Variants in TNS3 observed in about 807,000 individuals in gnomAD.
TNS3 encodes tensin 3.
A neutral mutation model predicts 140.9 loss-of-function variants in TNS3; 45 were observed. The ratio of observed to expected loss-of-function variants is 0.32; its 90% CI spans 0.25 to 0.41. The LOEUF (loss-of-function observed/expected upper bound fraction) is 0.41, where lower values mean the gene tolerates loss of function less well. Ranked by LOEUF, TNS3 falls within the 10% of genes least tolerant of loss-of-function variation. TNS3 has a pLI of 1.00. For missense variants in TNS3, 1,716 were observed against 1,906.7 expected, an observed-to-expected ratio of 0.90 and a Z score of 1.86; for synonymous variants, 815 against 788.4, an observed-to-expected ratio of 1.03 and a Z score of -0.56.
chr7:47,562,075 C>T (rs1800327997), intron 1 of TNS3, among the ~76,000 whole-genome samples: 5 of 152,360 alleles, frequency 3.3e-5, no homozygotes, highest in Middle Eastern at 3.4e-3. Context: ...GTAATTGAAG[C>T]ACAGTTGCAA....
At chr7:47,416,446 T>C (rs1794086048) in intron 10 of TNS3, among the ~76,000 whole-genome samples, 1 of 152,244 alleles carries the variant, frequency 6.6e-6, no homozygotes, top group Non-Finnish European at 1.5e-5. Flanking sequence ...GCCCTACTTA[T>C]AGTCCACCCA....
rs114028947 is a variant in TNS3, at chr7:47,438,437, G to C, written c.150+1050C>G. Among the ~76,000 whole-genome samples the C allele has an allele frequency of 7.0e-3, 1,064 of 152,296 alleles. 9 individuals carry two copies. The highest frequency in any genetic ancestry group is 0.025 in the African/African-American group (1,019 of 41,550). On this transcript the variant is annotated intron_variant, in intron 6 of 30. Coordinates refer to ENST00000311160, the MANE Select transcript of TNS3 (RefSeq NM_022748.12). Reference sequence around the variant, plus strand: ...GCCTGGGAGTGGCTTCCAAAGGAAGGAGCCATGGTCCTGCAGAGCACACCG... The same window carrying C: ...GCCTGGGAGTGGCTTCCAAAGGAAGCAGCCATGGTCCTGCAGAGCACACCG...
intron 1 of TNS3, among the ~76,000 whole-genome samples, chr7:47,571,161 C>T (rs1562862807): frequency 1.3e-5 from 2 of 152,192 alleles, no homozygotes; most frequent in Non-Finnish European, 1.5e-5. Flanking sequence ...GGGTGACCAA[C>T]CACAGATGAA....
chr7:47,462,650 C>G (rs908845103), intron 4 of TNS3, among the ~76,000 whole-genome samples: 1 of 152,128 alleles, frequency 6.6e-6, no homozygotes, highest in African/African-American at 2.4e-5. Flanking sequence ...CTAGTTCAAA[C>G]CCAGGACCAG....
intron 16 of TNS3, among the ~76,000 whole-genome samples, chr7:47,381,898 A>T (rs147758263): frequency 1.8e-4 from 28 of 152,384 alleles, no homozygotes; most frequent in African/African-American, 6.3e-4. Flanking sequence ...AAAGGCAGTG[A>T]CTAATTTATC....
At chr7:47,558,879 C>T (rs891303690) in intron 1 of TNS3, among the ~76,000 whole-genome samples, 1 of 152,210 alleles carries the variant, frequency 6.6e-6, no homozygotes, top group Non-Finnish European at 1.5e-5. Context: ...CTTTGCATGA[C>T]CCCCTCGAGC....
chr7:47,411,637 TTAC>T, intron 13 of TNS3, 87 bp downstream of exon 13: 1 of 1,368,410 alleles, frequency 7.3e-7, no homozygotes, highest in Non-Finnish European at 1.0e-6. Flanking sequence ...GGGGTGAGGG[TTAC>T]TGTTTTAACA....
intron 1 of TNS3, among the ~76,000 whole-genome samples, chr7:47,552,272 G>A (rs542472035): frequency 3.9e-5 from 6 of 152,254 alleles, no homozygotes; most frequent in South Asian, 4.2e-4. Context: ...GAGTGAAGGC[G>A]AGAAACAATT....
At position 47,368,826 on chromosome 7, in the gene TNS3, C is replaced by T. The variant is rs1370322756; in HGVS notation, c.1820G>A (p.Gly607Glu). The T allele has an allele frequency of 6.2e-7, 1 of 1,612,556 alleles. No individual in the cohort carries two copies. The highest frequency in any genetic ancestry group is 8.5e-7 in the Non-Finnish European group (1 of 1,179,586). Residue 607 changes from glycine (G) to glutamate (E), a missense_variant, in exon 17 of 31, where the codon GGG (glycine) becomes GAG (glutamate). Gly to Glu is a moderately conservative substitution (Grantham distance 98). This residue lies in a region of TNS3 where 1,163 missense variants were observed against 1,182.1 expected (regional missense o/e 0.98). Transcript: ENST00000311160. ...GCAGCGGCTCACCAGCCGGGCCTCC[C>T]CATCTGGGGCGAAGCTATACTGGTG... The part of the protein sequence containing the change: ...VAHQYSFAPD[G>E]EARLVSRCPA...
intron 13 of TNS3, among the ~76,000 whole-genome samples, chr7:47,401,507 A>G (rs1044218316): frequency 6.6e-6 from 1 of 152,196 alleles, no homozygotes. Flanking sequence ...TGGCATTTAG[A>G]CAAGTGTTCA....
chr7:47,513,574 G>C (rs1584796031), intron 2 of TNS3, among the ~76,000 whole-genome samples: 1 of 152,214 alleles, frequency 6.6e-6, no homozygotes, highest in Admixed American at 6.5e-5. Flanking sequence ...CTTTTTAGAT[G>C]TTCAACCTCA....
At chr7:47,469,625 A>T (rs1358623683) in intron 4 of TNS3, among the ~76,000 whole-genome samples, 3 of 152,216 alleles carry the variant, frequency 2.0e-5, no homozygotes, top group African/African-American at 7.2e-5. Flanking sequence ...TGCTATTCAC[A>T]ATAGCAAAGA....
chr7:47,545,473 G>A (rs1054247526), intron 1 of TNS3, among the ~76,000 whole-genome samples: 2 of 152,132 alleles, frequency 1.3e-5, no homozygotes, highest in Non-Finnish European at 2.9e-5. Context: ...ATGTGGACAA[G>A]GCGCCCAAGG....
At chr7:47,301,595 T>G (rs1479910140) in intron 23 of TNS3, among the ~76,000 whole-genome samples, 1 of 150,542 alleles carries the variant, frequency 6.6e-6, no homozygotes, top group East Asian at 2.0e-4. Context: ...TATTCAAATA[T>G]TCATTGCTCA....
chr7:47,452,414 C>A (rs1422462196), intron 4 of TNS3, among the ~76,000 whole-genome samples: 2 of 152,232 alleles, frequency 1.3e-5, no homozygotes, highest in East Asian at 1.9e-4. Context: ...TCGTTAAGAA[C>A]TGCCAGAGAA....
At chr7:47,451,416 C>T (rs1796008265) in intron 4 of TNS3, among the ~76,000 whole-genome samples, 1 of 152,126 alleles carries the variant, frequency 6.6e-6, no homozygotes, top group Non-Finnish European at 1.5e-5. Flanking sequence ...CCTGTCTCTA[C>T]TAAAAATACA....
chr7:47,582,417 G>A (rs752506731), upstream of TNS3: 10 of 456,478 alleles, frequency 2.2e-5, no homozygotes, highest in South Asian at 1.2e-4. Context: ...CCGGGCCGGT[G>A]TTAGAGTACC....
chr7:47,578,835 C>T (rs1784460619), intron 1 of TNS3, among the ~76,000 whole-genome samples: 1 of 152,242 alleles, frequency 6.6e-6, no homozygotes, highest in Admixed American at 6.5e-5. Flanking sequence ...CCGAGCTGCA[C>T]TCGAAAAGCC....
intron 28 of TNS3, among the ~76,000 whole-genome samples, chr7:47,282,066 A>T (rs7778118): frequency 0.38 from 57,501 of 151,540 alleles, 11,386 homozygotes; most frequent in Non-Finnish European, 0.44. Flanking sequence ...CCAAACCCTA[A>T]GTCCACCATG....
Sources: allele counts gnomAD v4.1 joint callset (sites outside exome capture counted in the v4.1 genomes callset), GRCh38; gene constraint gnomAD v4.1.1; regional missense constraint gnomAD v4.1.1; transcripts MANE v1.5; gene names NCBI Gene and HGNC (gene_info 2026-07-23, HGNC 2026-07-21).